RNF213: variants seen among roughly 807,000 people sequenced by gnomAD.
The protein encoded by RNF213 is ring finger protein 213.
In RNF213, 341 loss-of-function variants were observed where a neutral mutation model predicts 514.4. That is an observed-to-expected ratio of 0.66 (90% CI 0.61 to 0.73). The LOEUF (loss-of-function observed/expected upper bound fraction) is 0.73, where lower values mean the gene tolerates loss of function less well. RNF213 is among the 30% of genes least tolerant of loss of function. RNF213 has a pLI of 0.00. For missense variants in RNF213, 5,767 were observed against 6,615.6 expected, an observed-to-expected ratio of 0.87 and a Z score of 4.45; for synonymous variants, 2,655 against 2,658.2, an observed-to-expected ratio of 1.00 and a Z score of 0.04.
intron 2 of RNF213, among the ~76,000 whole-genome samples, chr17:80,270,711 A>G (rs75537759): frequency 0.019 from 2,898 of 152,140 alleles, 58 homozygotes; most frequent in East Asian, 0.11. Context: ...GTTGGTCCTT[A>G]TGATTGTTGG....
chr17:80,308,272 C>CA (rs1284723467), intron 13 of RNF213, among the ~76,000 whole-genome samples: 2 of 152,080 alleles, frequency 1.3e-5, no homozygotes, highest in Non-Finnish European at 2.9e-5. Flanking sequence ...GGATCCCCCC[C>CA]ACAAGCTCCC....
intron 37 of RNF213, among the ~76,000 whole-genome samples, chr17:80,359,154 G>A (rs550014891): frequency 2.0e-5 from 3 of 152,216 alleles, no homozygotes; most frequent in African/African-American, 4.8e-5. Flanking sequence ...GATGATGTGC[G>A]GCTCAGGCTC....
intron 14 of RNF213, among the ~76,000 whole-genome samples, chr17:80,311,764 A>G (rs1292040993): frequency 6.6e-6 from 1 of 151,824 alleles, no homozygotes; most frequent in Non-Finnish European, 1.5e-5. Flanking sequence ...TCCAGTGAGC[A>G]CCTGAGCGTA....
At chr17:80,319,436 T>C in intron 17 of RNF213, 124 bp downstream of exon 17, 2 of 1,614,198 alleles carry the variant, frequency 1.2e-6, no homozygotes, top group Non-Finnish European at 8.5e-7. Flanking sequence ...GATTGGGAAG[T>C]GGGCACCCTC....
chr17:80,314,118 GTGAAGGTGA>G lies in RNF213; in HGVS notation c.2811+954_2811+962del, dbSNP rs1239573698. 7.3e-3 allele frequency among the ~76,000 whole-genome samples: 740 copies of G among 101,508 alleles called. 12 individuals carry two copies. Among genetic ancestry groups the G allele is most frequent in the Non-Finnish European group, 0.011 (525 of 46,328 alleles). The allele number at this position is 101,508 out of a possible 152,430, so 66.6% of individuals were successfully genotyped here. A position where few individuals can be genotyped will look rare whatever the true frequency, so the allele number is the denominator to read the frequency against. On this transcript the variant is annotated intron_variant, in intron 15 of 67. Coordinates refer to ENST00000582970, the MANE Select transcript of RNF213 (RefSeq NM_001256071.3). The stretch of plus-strand genomic sequence containing the variant: ...GGAGGTACTGGAGGTGATGGTGGTG[GTGAAGGTGA>G]TGGTGGAGGTACTGGAGGTGATGGT...
chr17:80,377,764 T>C lies in RNF213; in HGVS notation c.13513T>C (p.Cys4505Arg). The C allele has an allele frequency of 6.2e-7, 1 of 1,614,196 alleles. No individual in the cohort carries two copies. The highest frequency in any genetic ancestry group is 1.1e-5 in the South Asian group (1 of 91,084). ...KGLERVHWYT[C>R]PNGHPCSVGE... Reference sequence around the variant, plus strand: ...TGTGTGTCCTGTTCTCTTCACAGCTTGTCCCAACGGCCATCCTTGCTCCGT... The same window carrying C: ...TGTGTGTCCTGTTCTCTTCACAGCTCGTCCCAACGGCCATCCTTGCTCCGT... Residue 4505 changes from cysteine (C) to arginine (R), a missense_variant and splice_region_variant, in exon 54 of 68, where the codon TGT becomes CGT. This residue lies in a region of RNF213 where 1,245 missense variants were observed against 1,339.0 expected (regional missense o/e 0.93). Coordinates refer to ENST00000582970, the MANE Select transcript of RNF213 (RefSeq NM_001256071.3). This position sits in a 1 kb window ranked among gnomAD's most constrained non-coding sequence, Gnocchi z 4.1.
chr17:80,270,163 C>T (rs141936458), intron 2 of RNF213, among the ~76,000 whole-genome samples: 1 of 152,224 alleles, frequency 6.6e-6, no homozygotes, highest in Non-Finnish European at 1.5e-5. Flanking sequence ...GCATGCCTTG[C>T]TACTTTCATG....
At position 80,261,329 on chromosome 17, in the gene RNF213, T is replaced by C. The variant is rs570126543; in HGVS notation, c.-109+427T>C. ...GAATGGCAACAACGGAAAAGTGAAG[T>C]TGCAAAAACAGACTCCTAACTTTTA... is the stretch of plus-strand genomic sequence containing the variant. On this transcript the variant is annotated intron_variant, in intron 1 of 67. Transcript: ENST00000582970. Among the ~76,000 whole-genome samples, 66 of 152,280 alleles carry C rather than the reference T, an allele frequency of 4.3e-4. 1 individual carries two copies. The highest frequency in any genetic ancestry group is 1.6e-3 in the African/African-American group (66 of 41,574).
intron 32 of RNF213, 183 bp from the exon 33 acceptor site, chr17:80,352,757 C>T (rs2078575055): frequency 7.2e-6 from 6 of 832,524 alleles, no homozygotes; most frequent in Admixed American, 3.5e-5. Context: ...AGAATCGGGT[C>T]GTGTATAGTA....
chr17:80,348,995 G>A (rs1005874769), intron 29 of RNF213, among the ~76,000 whole-genome samples: 1 of 152,160 alleles, frequency 6.6e-6, no homozygotes, highest in African/African-American at 2.4e-5. Flanking sequence ...TGGAAAAGAC[G>A]GGCCGGTAGG....
chr17:80,379,842 T>C lies in RNF213; in HGVS notation c.13640+128T>C, dbSNP rs568361498. On this transcript the variant is annotated intron_variant, in intron 55 of 67. Transcript: ENST00000582970. ...CCAGTACATGTGGGCCTGTGTCATA[T>C]TGAATAGCAATGCCAAAGTCCCAGC... The C allele has an allele frequency of 2.8e-4, 220 of 792,894 alleles. 2 individuals are homozygous for C. The South Asian group carries it at 3.0e-3, about 11-fold the overall frequency. 49.1% of individuals were successfully genotyped at this position (792,894 alleles called of 1,614,324 possible).
At chr17:80,284,136 G>T (rs368183911) in intron 3 of RNF213, among the ~76,000 whole-genome samples, 1 of 151,774 alleles carries the variant, frequency 6.6e-6, no homozygotes, top group South Asian at 2.1e-4. Context: ...GAGGCGGGTG[G>T]ATCACCTGAG....
chr17:80,278,803 C>T, intron 3 of RNF213: 1 of 1,537,212 alleles, frequency 6.5e-7, no homozygotes, highest in Non-Finnish European at 8.7e-7. Context: ...TGCTGTAGAC[C>T]TCATATCCGA....
intron 63 of RNF213, 101 bp downstream of exon 63, chr17:80,386,992 C>T: frequency 1.7e-6 from 2 of 1,159,176 alleles, no homozygotes; most frequent in Non-Finnish European, 2.5e-6. Flanking sequence ...CCTCACCCTG[C>T]AGTCTGGTCT....
intron 2 of RNF213, among the ~76,000 whole-genome samples, chr17:80,267,574 C>T (rs1245107556): frequency 6.6e-6 from 1 of 152,162 alleles, no homozygotes; most frequent in Non-Finnish European, 1.5e-5. Flanking sequence ...AAACCACAGC[C>T]GAATCCACAG....
intron 3 of RNF213, among the ~76,000 whole-genome samples, chr17:80,277,733 C>G (rs9895804): frequency 0.069 from 10,502 of 152,220 alleles, 534 homozygotes; most frequent in East Asian, 0.21. Context: ...TTTCCCAATC[C>G]CACAGGGAGC....
chr17:80,288,333 C>T lies in RNF213; in HGVS notation c.780C>T (p.Thr260=), dbSNP rs567456719. ...SSEPGTELQT[T]EQQAGASASM... ...AGCCCGGGACAGAACTGCAGACCAC[C>T]GAGCAACAGGCAGGGGCCTCAGCCT... Residue 260 remains threonine (T), a synonymous_variant, in exon 4 of 68, where the codon ACC becomes ACT. Transcript: ENST00000582970. The surrounding 1 kb of genome is among the most constrained non-coding windows in gnomAD (Gnocchi z 4.9). 3.2e-5 allele frequency: 51 copies of T among 1,612,708 alleles called. No homozygotes were observed. The highest frequency in any genetic ancestry group is 1.8e-4 in the Admixed American group (11 of 60,026).
Position 80,353,410 on chromosome 17 carries a change from C to A in RNF213, c.10424-102C>A. 4 of 1,338,316 alleles carry A rather than the reference C, an allele frequency of 3.0e-6. No homozygotes were observed. The highest frequency in any genetic ancestry group is 4.2e-6 in the Non-Finnish European group (4 of 955,282). The allele number at this position is 1,338,316 out of a possible 1,614,324, so 82.9% of individuals were successfully genotyped here. ...AGCACCACAGCAGGGGCCGGGGAAG[C>A]CTGCACTCGGAGGCTGAGCACACAG... On this transcript the variant is annotated intron_variant, in intron 33 of 67. Transcript: ENST00000582970. The surrounding 1 kb of genome is among the most constrained non-coding windows in gnomAD (Gnocchi z 5.0).
Position 80,386,433 on chromosome 17 carries a change from T to G in RNF213, c.14720+3T>G, listed in dbSNP as rs375218846. The G allele has an allele frequency of 5.0e-6, 8 of 1,613,950 alleles. No individual in the cohort carries two copies. In the African/African-American group the frequency reaches 1.1e-4, roughly 22 times the overall value. ...AAACTCTCCAAGGAAAACAACAGGT[T>G]TGTGCACGAGCCACCAGGAAGTGGT... On this transcript the variant is annotated splice_donor_region_variant and intron_variant, in intron 62 of 67. Transcript: ENST00000582970.
Sources: allele counts gnomAD v4.1 joint callset (sites outside exome capture counted in the v4.1 genomes callset), GRCh38; gene constraint gnomAD v4.1.1; regional missense constraint gnomAD v4.1.1; non-coding constraint Gnocchi (gnomAD v3.1); transcripts MANE v1.5; gene names NCBI Gene and HGNC (gene_info 2026-07-23, HGNC 2026-07-21).